Variants in DSCAM observed in about 807,000 individuals in gnomAD.
DSCAM encodes the protein cell adhesion molecule DSCAM.
Under a neutral mutation model 217.7 loss-of-function variants are expected in DSCAM, and 47 were observed. That is an observed-to-expected ratio of 0.22 (90% CI 0.17 to 0.28). The LOEUF (loss-of-function observed/expected upper bound fraction) is 0.28, where lower values mean the gene tolerates loss of function less well. DSCAM is among the 10% of genes least tolerant of loss of function. The probability of loss-of-function intolerance (pLI) is 1.00; values close to 1 mark genes in which losing one functional copy is unlikely to be tolerated. For missense variants in DSCAM, 2,080 were observed against 2,618.3 expected, an observed-to-expected ratio of 0.79 and a Z score of 4.49; for synonymous variants, 1,056 against 1,015.3, an observed-to-expected ratio of 1.04 and a Z score of -0.76.
intron 16 of DSCAM, among the ~76,000 whole-genome samples, chr21:40,158,725 A>T (rs1450912169): frequency 1.3e-5 from 2 of 152,246 alleles, no homozygotes; most frequent in African/African-American, 2.4e-5. Flanking sequence ...TTCCAACTTC[A>T]AATTGTTACT....
intron 3 of DSCAM, among the ~76,000 whole-genome samples, chr21:40,484,765 G>C (rs1052994432): frequency 1.3e-5 from 2 of 152,130 alleles, no homozygotes; most frequent in Non-Finnish European, 2.9e-5. Context: ...GTCTGCTGTG[G>C]TTACCTGTTT....
At chr21:40,376,305 T>C (rs2074949907) in intron 3 of DSCAM, among the ~76,000 whole-genome samples, 1 of 151,816 alleles carries the variant, frequency 6.6e-6, no homozygotes, top group African/African-American at 2.4e-5. Context: ...TAGAGGAACA[T>C]AAGAATTAAA....
intron 3 of DSCAM, among the ~76,000 whole-genome samples, chr21:40,620,378 G>GAA (rs2089492184): frequency 1.1e-5 from 1 of 88,668 alleles, no homozygotes; most frequent in Non-Finnish European, 2.7e-5. Context: ...AAGAAAGAAA[G>GAA]AAAGAAAGAG....
chr21:40,036,593 A>C (rs2088628781), intron 32 of DSCAM, among the ~76,000 whole-genome samples: 1 of 148,546 alleles, frequency 6.7e-6, no homozygotes, highest in African/African-American at 2.6e-5. Flanking sequence ...AGGTACAAGA[A>C]GGAACTGGTA....
At chr21:40,030,067 G>A (rs1298646164) in intron 32 of DSCAM, among the ~76,000 whole-genome samples, 1 of 152,184 alleles carries the variant, frequency 6.6e-6, no homozygotes, top group Non-Finnish European at 1.5e-5. Context: ...CATATATGTT[G>A]ACACACATGC....
intron 32 of DSCAM, among the ~76,000 whole-genome samples, chr21:40,021,061 G>T (rs1481174003): frequency 6.6e-6 from 1 of 151,824 alleles, no homozygotes; most frequent in Non-Finnish European, 1.5e-5. Context: ...TAAGGCTGGG[G>T]GGGTGTGAGG....
chr21:40,306,370 C>T (rs1163445271), intron 9 of DSCAM, among the ~76,000 whole-genome samples: 3 of 151,252 alleles, frequency 2.0e-5, no homozygotes, highest in Non-Finnish European at 2.9e-5. Context: ...TCTAGATATA[C>T]AATCATGTCA....
intron 1 of DSCAM, among the ~76,000 whole-genome samples, chr21:40,754,745 C>T (rs1038584843): frequency 6.6e-6 from 1 of 152,226 alleles, no homozygotes; most frequent in Admixed American, 6.5e-5. Context: ...CAGGCACCAA[C>T]AGCACCTGCA....
intron 3 of DSCAM, among the ~76,000 whole-genome samples, chr21:40,551,477 C>T (rs1440113804): frequency 6.6e-6 from 1 of 152,124 alleles, no homozygotes; most frequent in Non-Finnish European, 1.5e-5. Flanking sequence ...CCCTTAGAGA[C>T]AATAGATAGC....
chr21:40,129,553 C>A (rs1696713237), intron 19 of DSCAM, among the ~76,000 whole-genome samples: 1 of 152,132 alleles, frequency 6.6e-6, no homozygotes, highest in South Asian at 2.1e-4. Flanking sequence ...GAGGTAAGAA[C>A]CTAGTTTGGG....
chr21:40,805,989 T>C (rs1051961911), intron 1 of DSCAM, among the ~76,000 whole-genome samples: 1 of 152,158 alleles, frequency 6.6e-6, no homozygotes, highest in Non-Finnish European at 1.5e-5. Flanking sequence ...ATTACAGACA[T>C]GAGCCACCGC....
intron 1 of DSCAM, among the ~76,000 whole-genome samples, chr21:40,791,807 A>G (rs1460818663): frequency 6.6e-6 from 1 of 151,938 alleles, no homozygotes; most frequent in Non-Finnish European, 1.5e-5. Context: ...CTTCATCCCA[A>G]CCTTAGGGAC....
At chr21:40,298,439 G>A (rs2073979801) in intron 9 of DSCAM, among the ~76,000 whole-genome samples, 1 of 152,094 alleles carries the variant, frequency 6.6e-6, no homozygotes, top group Non-Finnish European at 1.5e-5. Flanking sequence ...AATTTACACA[G>A]CCAATGGGTT....
rs755239695 is a variant in DSCAM, at chr21:40,359,354, TAG to T, written c.656-5613_656-5612del. On this transcript the variant is annotated intron_variant, in intron 4 of 32. Coordinates refer to ENST00000400454, the MANE Select transcript of DSCAM (RefSeq NM_001389.5). The stretch of plus-strand genomic sequence containing the variant: ...TTTTCTCCTCTTACATCACATTGGC[TAG>T]AGTTTATTTTTTCCCCAGGTGTATT... Among the ~76,000 whole-genome samples the T allele has an allele frequency of 5.3e-5, 8 of 152,328 alleles. No individual in the cohort carries two copies. The East Asian group carries it at 1.5e-3, about 29-fold the overall frequency.
At chr21:40,436,677 G>A (rs1446144551) in intron 3 of DSCAM, among the ~76,000 whole-genome samples, 1 of 152,188 alleles carries the variant, frequency 6.6e-6, no homozygotes, top group African/African-American at 2.4e-5. Context: ...TACAAAGCTT[G>A]AAGGACTCGC....
rs143164018 is a variant in DSCAM, at chr21:40,397,133, T to C, written c.509-27888A>G. Among the ~76,000 whole-genome samples, 604 of 152,312 alleles carry C rather than the reference T, an allele frequency of 4.0e-3. 2 individuals carry two copies. Among genetic ancestry groups the C allele is most frequent in the African/African-American group, 0.013 (555 of 41,570 alleles). ...AGATGGATTTGAGACTGATCTTCTA[T>C]CTCCTTGGCTGCAGCACCAGAATAG... On this transcript the variant is annotated intron_variant, in intron 3 of 32. Coordinates refer to ENST00000400454, the MANE Select transcript of DSCAM (RefSeq NM_001389.5).
intron 11 of DSCAM, among the ~76,000 whole-genome samples, chr21:40,268,671 G>A (rs2073573569): frequency 6.6e-6 from 1 of 152,136 alleles, no homozygotes. Flanking sequence ...TTTTTCGAAA[G>A]GCTGTGGTGG....
chr21:40,274,535 C>G (rs1041175976), intron 11 of DSCAM, among the ~76,000 whole-genome samples: 7 of 152,176 alleles, frequency 4.6e-5, no homozygotes, highest in Non-Finnish European at 8.8e-5. Flanking sequence ...ATTAAAATAA[C>G]TGCAAAATAC....
At chr21:40,189,818 C>A (rs1166607581) in intron 11 of DSCAM, among the ~76,000 whole-genome samples, 1 of 152,210 alleles carries the variant, frequency 6.6e-6, no homozygotes, top group South Asian at 2.1e-4. Flanking sequence ...CCACATGGAA[C>A]TGTAAGTCCA....
Sources: allele counts gnomAD v4.1 joint callset (sites outside exome capture counted in the v4.1 genomes callset), GRCh38; gene constraint gnomAD v4.1.1; transcripts MANE v1.5; gene names NCBI Gene and HGNC (gene_info 2026-07-23, HGNC 2026-07-21).